Variants in MMEL1 observed in about 807,000 individuals in gnomAD.
MMEL1 encodes membrane metalloendopeptidase like 1, also known as membrane metallo-endopeptidase-like 1.
In MMEL1, 98 loss-of-function variants were observed where a neutral mutation model predicts 117.1. That is an observed-to-expected ratio of 0.84 (90% CI 0.71 to 0.99). The LOEUF (loss-of-function observed/expected upper bound fraction) is 0.99, where lower values mean the gene tolerates loss of function less well. Among genes scored for constraint, MMEL1 ranks in the 50% least tolerant of loss-of-function variants. The probability of loss-of-function intolerance (pLI) is 0.00; values close to 1 mark genes in which losing one functional copy is unlikely to be tolerated. For synonymous variants in MMEL1, 390 were observed against 415.1 expected, an observed-to-expected ratio of 0.94 and a Z score of 0.74; for missense variants, 1,014 against 1,049.1, an observed-to-expected ratio of 0.97 and a Z score of 0.46.
intron 13 of MMEL1, 95 bp from the exon 14 acceptor site, chr1:2,596,784 A>G (rs1230064895): frequency 6.8e-7 from 1 of 1,473,332 alleles, no homozygotes; most frequent in East Asian, 2.3e-5. Flanking sequence ...AGACCCACCT[A>G]TCCTCAGCCT....
chr1:2,606,952 C>T (rs772499133), intron 7 of MMEL1, 22 bp downstream of exon 7: 25 of 1,604,506 alleles, frequency 1.6e-5, no homozygotes, highest in Non-Finnish European at 2.0e-5. Context: ...GTCTGTGAGG[C>T]TGCTGCCAGG....
In MMEL1 at chr1:2,596,130, G is replaced by A. The variant is rs750312074; in HGVS notation, c.1402-23C>T. The A allele has an allele frequency of 2.8e-5, 45 of 1,600,248 alleles. 1 individual carries two copies. Among genetic ancestry groups the A allele is most frequent in the East Asian group, 2.5e-4 (11 of 44,818 alleles). ...GACCTGGGAATCGGGCATGGCCCTCGTGTCCCAGACTCATCTGGAGGGCGA... is the reference window on the plus strand; with the variant it reads ...GACCTGGGAATCGGGCATGGCCCTCATGTCCCAGACTCATCTGGAGGGCGA... On this transcript the variant is annotated intron_variant, in intron 14 of 23. Transcript: ENST00000378412.
At position 2,612,449 on chromosome 1, in the gene MMEL1, A is replaced by G. The variant is rs868293284; in HGVS notation, c.155-245T>C. Among the ~76,000 whole-genome samples, 14 of 151,914 alleles carry G rather than the reference A, an allele frequency of 9.2e-5. No homozygotes were observed. Among genetic ancestry groups the G allele is most frequent in the South Asian group, 2.1e-4 (1 of 4,820 alleles). On this transcript the variant is annotated intron_variant, in intron 2 of 23. Transcript: ENST00000378412. This position sits in a 1 kb window ranked among gnomAD's most constrained non-coding sequence, Gnocchi z 5.4. Reference sequence around the variant, plus strand: ...CGGTTTGCCCTGCCTTGCCAGCCCCACCCTTTAATTCTCCCTCCACCCACC... The same window carrying G: ...CGGTTTGCCCTGCCTTGCCAGCCCCGCCCTTTAATTCTCCCTCCACCCACC...
chr1:2,618,930 C>G (rs1645246452), intron 2 of MMEL1, among the ~76,000 whole-genome samples: 3 of 152,328 alleles, frequency 2.0e-5, no homozygotes, highest in South Asian at 4.1e-4. Context: ...TGAGTCTTCT[C>G]TGCATCCGTG....
intron 4 of MMEL1, 48 bp downstream of exon 4, chr1:2,611,233 G>T: frequency 6.5e-7 from 1 of 1,527,772 alleles, no homozygotes; most frequent in Non-Finnish European, 8.9e-7. Flanking sequence ...TCAGCCGGGA[G>T]CCCCCAGCCC....
chr1:2,632,155 C>T (rs762249519), intron 1 of MMEL1, among the ~76,000 whole-genome samples: 43 of 113,908 alleles, frequency 3.8e-4, no homozygotes, highest in Non-Finnish European at 5.5e-4. Context: ...CCCAGTGGGG[C>T]CTTCCTTGGC....
At chr1:2,602,560 G>A (rs1157988126) in intron 11 of MMEL1, among the ~76,000 whole-genome samples, 2 of 152,194 alleles carry the variant, frequency 1.3e-5, no homozygotes, top group Admixed American at 6.5e-5. Context: ...CTACGTGGCA[G>A]CCTCTGATTG....
intron 7 of MMEL1, among the ~76,000 whole-genome samples, 187 bp from the exon 8 acceptor site, chr1:2,606,553 C>T (rs1048560919): frequency 6.6e-6 from 1 of 152,088 alleles, no homozygotes; most frequent in South Asian, 2.1e-4. Flanking sequence ...CACAGGCGGG[C>T]CCCCAGGTGA....
At position 2,595,491 on chromosome 1, in the gene MMEL1, G is replaced by A. The variant is rs1644820196; in HGVS notation, c.1501-132C>T. The A allele has an allele frequency of 5.4e-6, 4 of 737,578 alleles. No homozygotes were observed. Among genetic ancestry groups the A allele is most frequent in the Admixed American group, 4.6e-5 (2 of 43,574 alleles). The allele number at this position is 737,578 out of a possible 1,614,324, so 45.7% of individuals were successfully genotyped here. ...CCTGGCTGTGCTCTCCCTGTCCTGT[G>A]GTGAGGGGCTGGGGGGCTCCGGGAT... On this transcript the variant is annotated intron_variant, in intron 15 of 23. Coordinates refer to ENST00000378412, the MANE Select transcript of MMEL1 (RefSeq NM_033467.4). The surrounding 1 kb of genome is among the most constrained non-coding windows in gnomAD (Gnocchi z 4.8).
intron 1 of MMEL1, among the ~76,000 whole-genome samples, chr1:2,631,887 G>A (rs1000670673): frequency 6.6e-6 from 1 of 152,180 alleles, no homozygotes; most frequent in African/African-American, 2.4e-5. Flanking sequence ...CTCCCCCTGA[G>A]GGGTCTGTCT....
intron 6 of MMEL1, among the ~76,000 whole-genome samples, chr1:2,607,811 G>A (rs1439678894): frequency 2.0e-5 from 3 of 152,054 alleles, no homozygotes; most frequent in Non-Finnish European, 4.4e-5. Context: ...GGCCTCCTCT[G>A]GGCTTGGCTA....
chr1:2,604,135 C>CCCCCCCCGAACAAT lies in MMEL1; in HGVS notation c.951+11_951+12insATTGTTCGGGGGGG. 2 of 1,520,166 alleles carry CCCCCCCCGAACAAT rather than the reference C, an allele frequency of 1.3e-6. No homozygotes were observed. The highest frequency in any genetic ancestry group is 1.8e-6 in the Non-Finnish European group (2 of 1,100,358). 94.2% of individuals were successfully genotyped at this position (1,520,166 alleles called of 1,614,324 possible). The stretch of plus-strand genomic sequence containing the variant: ...CTCGCTGCCCGCTCCCCACCCGCCC[C>CCCCCCCCGAACAAT]GGCCCCCTTACCTTGGCCAGCTGTG... On this transcript the variant is annotated intron_variant, in intron 10 of 23. Coordinates refer to ENST00000378412, the MANE Select transcript of MMEL1 (RefSeq NM_033467.4).
chr1:2,591,119 C>T (rs1337995745), intron 23 of MMEL1, 30 bp from the exon 24 acceptor site: 3 of 1,482,762 alleles, frequency 2.0e-6, no homozygotes, highest in Non-Finnish European at 2.7e-6. Flanking sequence ...ACAGCAGGAG[C>T]ATTGCCATCT....
intron 6 of MMEL1, 117 bp from the exon 7 acceptor site, chr1:2,607,186 C>T: frequency 2.5e-6 from 2 of 804,778 alleles, no homozygotes; most frequent in Non-Finnish European, 2.0e-6. Context: ...CTGCAGTGCT[C>T]CGCGAGAGGC....
intron 17 of MMEL1, 89 bp from the exon 18 acceptor site, chr1:2,594,532 T>C: frequency 6.9e-7 from 1 of 1,452,934 alleles, no homozygotes; most frequent in Non-Finnish European, 9.5e-7. Context: ...GGGCCTACCC[T>C]GGCCACACCA....
At chr1:2,594,361 AG>A in intron 18 of MMEL1, 23 bp downstream of exon 18, 1 of 1,551,538 alleles carries the variant, frequency 6.4e-7, no homozygotes, top group Non-Finnish European at 8.7e-7. Context: ...GGGCCTGGGC[AG>A]GCAGGGAGGG....
chr1:2,594,761 GC>G, intron 17 of MMEL1, 28 bp downstream of exon 17: 1 of 1,273,850 alleles, frequency 7.9e-7, no homozygotes, highest in Admixed American at 1.7e-5. Context: ...GGCCCCCCCC[GC>G]CCATGCCGCA....
chr1:2,617,223 C>T (rs1369280750), intron 2 of MMEL1, among the ~76,000 whole-genome samples: 2 of 151,870 alleles, frequency 1.3e-5, no homozygotes, highest in African/African-American at 2.4e-5. Context: ...GTCAGGAGAT[C>T]GAGACCATCC....
At chr1:2,598,084 G>T in intron 13 of MMEL1, 123 bp downstream of exon 13, 1 of 924,592 alleles carries the variant, frequency 1.1e-6, no homozygotes, top group Non-Finnish European at 1.7e-6. Context: ...TGGGCGCCTC[G>T]CCCTGCCTCG....
Sources: allele counts gnomAD v4.1 joint callset (sites outside exome capture counted in the v4.1 genomes callset), GRCh38; gene constraint gnomAD v4.1.1; non-coding constraint Gnocchi (gnomAD v3.1); transcripts MANE v1.5; gene names NCBI Gene and HGNC (gene_info 2026-07-23, HGNC 2026-07-21).